Variants in FZD6 observed in about 807,000 individuals in gnomAD.
FZD6 encodes frizzled class receptor 6.
FZD6 carries 49 observed loss-of-function variants against 61.4 expected under a neutral mutation model. The ratio of observed to expected loss-of-function variants is 0.80; its 90% CI spans 0.63 to 1.01. The LOEUF is 1.01. FZD6 is among the 50% of genes least tolerant of loss of function. The pLI is 0.00. For synonymous variants in FZD6, 265 were observed against 292.2 expected (o/e 0.91, Z 0.95); for missense variants, 724 against 848.2 (o/e 0.85, Z 1.82).
chr8:103,327,424 G>A (rs925121754), intron 4 of FZD6, among the ~76,000 whole-genome samples: 1 of 152,050 alleles, frequency 6.6e-6, no homozygotes, highest in African/African-American at 2.4e-5. Context: ...GTAAAACCCT[G>A]TCTCTACTAA....
At chr8:103,318,432 T>A (rs1414127352) in intron 2 of FZD6, among the ~76,000 whole-genome samples, 158 bp from the exon 3 acceptor site, 1 of 152,194 alleles carries the variant, frequency 6.6e-6, no homozygotes, top group African/African-American at 2.4e-5. Context: ...AATAGTAGTA[T>A]CCCATTGTGT....
intron 2 of FZD6, among the ~76,000 whole-genome samples, chr8:103,308,276 AT>A (rs1235100332): frequency 6.6e-6 from 1 of 151,924 alleles, no homozygotes; most frequent in Non-Finnish European, 1.5e-5. Context: ...TGCAAAAAAA[AT>A]TTTTTTTGAG....
Position 103,300,150 on chromosome 8 carries a change from C to A in FZD6, c.43C>A (p.Leu15Ile), listed in dbSNP as rs774093482. 1.0e-5 allele frequency: 16 copies of A among 1,604,398 alleles called. No individual in the cohort carries two copies. The highest frequency in any genetic ancestry group is 1.4e-5 in the Non-Finnish European group (16 of 1,171,278). ...TTTGTTGACGTGTATTTTTCTACCC[C>A]TCCTAAGAGGGCACAGTCTCTTCAC... Reference protein sequence around the residue: ...TFLLTCIFLPLLRGHSLFTCE... With the variant: ...TFLLTCIFLPILRGHSLFTCE... The change falls in exon 2 of 7, where the codon CTC becomes ATC. Residue 15 changes from leucine to isoleucine, a missense_variant. Transcript: ENST00000358755.
At chr8:103,317,838 A>AAG (rs1554622335) in intron 2 of FZD6, among the ~76,000 whole-genome samples, 74 of 76,044 alleles carry the variant, frequency 9.7e-4, no homozygotes, top group Non-Finnish European at 1.6e-3. Context: ...AAAAAAAAAA[A>AAG]AAAGAAAGAA....
chr8:103,327,793 A>G (rs1814995697), intron 4 of FZD6, among the ~76,000 whole-genome samples: 1 of 152,034 alleles, frequency 6.6e-6, no homozygotes, highest in Admixed American at 6.6e-5. Context: ...ATTCTTAGGA[A>G]ATTTTCGCAT....
chr8:103,320,629 A>C (rs1814759709), intron 3 of FZD6, among the ~76,000 whole-genome samples: 1 of 152,110 alleles, frequency 6.6e-6, no homozygotes, highest in African/African-American at 2.4e-5. Context: ...TTTTTAAAAA[A>C]TGAATTGCAA....
chr8:103,326,215 C>G (rs967653799), intron 4 of FZD6, among the ~76,000 whole-genome samples: 5 of 152,114 alleles, frequency 3.3e-5, no homozygotes, highest in African/African-American at 1.2e-4. Flanking sequence ...CACAGTGTAT[C>G]AAATTAAGCA....
intron 2 of FZD6, among the ~76,000 whole-genome samples, chr8:103,316,818 T>A (rs1194777479): frequency 1.3e-5 from 2 of 152,242 alleles, no homozygotes; most frequent in African/African-American, 4.8e-5. Flanking sequence ...TTTATTGATA[T>A]GCTTTGTCAG....
At chr8:103,301,264 A>G (rs1038005495) in intron 2 of FZD6, among the ~76,000 whole-genome samples, 2 of 152,166 alleles carry the variant, frequency 1.3e-5, no homozygotes, top group Admixed American at 6.5e-5. Context: ...TACTAAGTAG[A>G]TGTTATTTAA....
In FZD6 at chr8:103,321,629, G is replaced by T. The variant is rs535634220; in HGVS notation, c.374+2843G>T. ...TGGTTATGGCATGCATTAGGCTCTT[G>T]GTTCCCCAGGAGAATGCCTTTGCCT... On this transcript the variant is annotated intron_variant, in intron 3 of 6. Transcript: ENST00000358755. Among the ~76,000 whole-genome samples, 44 of 152,302 alleles carry T rather than the reference G, an allele frequency of 2.9e-4. No individual in the cohort carries two copies. In the Middle Eastern group the frequency reaches 0.01, roughly 35 times the overall value.
intron 2 of FZD6, among the ~76,000 whole-genome samples, chr8:103,314,476 C>T (rs1021682844): frequency 6.6e-6 from 1 of 152,084 alleles, no homozygotes; most frequent in Admixed American, 6.6e-5. Flanking sequence ...CTCCCCTTCA[C>T]GATGGAGGAA....
intron 2 of FZD6, among the ~76,000 whole-genome samples, chr8:103,317,512 G>A (rs1286846947): frequency 1.3e-5 from 2 of 152,082 alleles, no homozygotes; most frequent in Non-Finnish European, 2.9e-5. Flanking sequence ...TAGACTGGGT[G>A]GTAATAGTGA....
chr8:103,321,284 C>G (rs1586520077), intron 3 of FZD6, among the ~76,000 whole-genome samples: 1 of 152,114 alleles, frequency 6.6e-6, no homozygotes, highest in African/African-American at 2.4e-5. Flanking sequence ...ATTATTTAAG[C>G]CCTATATTAA....
intron 2 of FZD6, 80 bp from the exon 3 acceptor site, chr8:103,318,510 A>G: frequency 1.2e-6 from 1 of 843,190 alleles, no homozygotes; most frequent in Admixed American, 1.8e-5. Context: ...GAAAAAGCAT[A>G]TACTTTAAAC....
At chr8:103,308,853 G>A (rs1434600030) in intron 2 of FZD6, among the ~76,000 whole-genome samples, 1 of 152,172 alleles carries the variant, frequency 6.6e-6, no homozygotes, top group African/African-American at 2.4e-5. Flanking sequence ...TGAGGAACTA[G>A]TAGCAAAAGC....
At position 103,331,567 on chromosome 8, in the gene FZD6, GCA is replaced by G. The variant is rs1815135378; in HGVS notation, c.*60_*61del. ...TTGTGTTACACTGGAAGTGACCTAT[GCA>G]CTGTTTTGTAAGAATCACTGTTACA... On this transcript the variant is annotated 3_prime_UTR_variant, in exon 7 of 7. Coordinates refer to ENST00000358755, the MANE Select transcript of FZD6 (RefSeq NM_003506.4). 1 of 1,119,760 alleles carries G rather than the reference GCA, an allele frequency of 8.9e-7. No individual in the cohort carries two copies. The highest frequency in any genetic ancestry group is 1.5e-5 in the African/African-American group (1 of 65,826). The allele number at this position is 1,119,760 out of a possible 1,614,324, so 69.4% of individuals were successfully genotyped here. A position where few individuals can be genotyped will look rare whatever the true frequency, so the allele number is the denominator to read the frequency against.
chr8:103,325,545 A>G lies in FZD6; in HGVS notation c.1392+47A>G, dbSNP rs1001103495. 3 of 1,391,740 alleles carry G rather than the reference A, an allele frequency of 2.2e-6. No individual in the cohort carries two copies. The Admixed American group carries it at 5.0e-5, about 23-fold the overall frequency. The allele number at this position is 1,391,740 out of a possible 1,614,324, so 86.2% of individuals were successfully genotyped here. A position where few individuals can be genotyped will look rare whatever the true frequency, so the allele number is the denominator to read the frequency against. Reference sequence around the variant, plus strand: ...ATGTCTCTATTTACATTTAATGTAGAAAATGTTTCATGGAAATATACTTGT... The same window carrying G: ...ATGTCTCTATTTACATTTAATGTAGGAAATGTTTCATGGAAATATACTTGT... On this transcript the variant is annotated intron_variant, in intron 4 of 6. Transcript: ENST00000358755.
chr8:103,324,682 T>C lies in FZD6; in HGVS notation c.576T>C (p.Ser192=), dbSNP rs1374006583. 2 of 1,613,974 alleles carry C rather than the reference T, an allele frequency of 1.2e-6. No individual in the cohort carries two copies. The highest frequency in any genetic ancestry group is 1.7e-6 in the Non-Finnish European group (2 of 1,179,924). The change falls in exon 4 of 7, where the codon AGT becomes AGC. Residue 192 remains serine (S), a synonymous_variant. Transcript: ENST00000358755. The part of the protein sequence containing the change: ...APPCPNMYFK[S]DELEFAKSFI... Reference sequence around the variant, plus strand: ...CATGCCCCAACATGTATTTTAAAAGTGATGAGCTAGAGTTTGCAAAAAGTT... The same window carrying C: ...CATGCCCCAACATGTATTTTAAAAGCGATGAGCTAGAGTTTGCAAAAAGTT...
At chr8:103,312,336 A>G (rs1814518006) in intron 2 of FZD6, among the ~76,000 whole-genome samples, 2 of 152,232 alleles carry the variant, frequency 1.3e-5, no homozygotes, top group Non-Finnish European at 2.9e-5. Context: ...GAAATTTGAA[A>G]GGAGGAGTTT....
Sources: gnomAD v4.1 joint callset for allele counts (sites outside exome capture counted in the v4.1 genomes callset) on GRCh38, gnomAD v4.1.1 for gene constraint, MANE v1.5 for transcripts, NCBI Gene and HGNC (gene_info 2026-07-23, HGNC 2026-07-21) for gene names.